The following PLAC8L1 variants were observed in gnomAD, a reference collection of about 807,000 sequenced individuals.
PLAC8L1 encodes PLAC8-like protein 1.
Under a neutral mutation model 16.3 loss-of-function variants are expected in PLAC8L1, and 13 were observed. The ratio of observed to expected loss-of-function variants is 0.80; its 90% CI spans 0.52 to 1.27. The LOEUF is 1.27. Among genes scored for constraint, PLAC8L1 ranks in the 50% most tolerant of loss-of-function variants. The probability of loss-of-function intolerance (pLI) is 0.00; values close to 1 mark genes in which losing one functional copy is unlikely to be tolerated. For synonymous variants in PLAC8L1, 78 were observed against 79.3 expected (o/e 0.98, Z 0.09); for missense variants, 184 against 220.2 (o/e 0.84, Z 1.04).
At chr5:146,097,158 A>T (rs1212495164) in intron 2 of PLAC8L1, among the ~76,000 whole-genome samples, 1 of 152,238 alleles carries the variant, frequency 6.6e-6, no homozygotes, top group Non-Finnish European at 1.5e-5. Flanking sequence ...CAAGACCATC[A>T]GGTCCTGGAA....
intron 1 of PLAC8L1, among the ~76,000 whole-genome samples, chr5:146,103,288 T>C (rs1000219849): frequency 6.6e-6 from 1 of 152,154 alleles, no homozygotes; most frequent in African/African-American, 2.4e-5. Flanking sequence ...GCCCCCCTAA[T>C]AGCTGGGATT....
At chr5:146,089,169 A>T (rs570451801) in intron 2 of PLAC8L1, among the ~76,000 whole-genome samples, 32 of 152,064 alleles carry the variant, frequency 2.1e-4, no homozygotes, top group African/African-American at 4.3e-4. Context: ...TATGCTTTTT[A>T]AAAAAAACAC....
At position 146,098,223 on chromosome 5, in the gene PLAC8L1, T is replaced by C. The variant is rs771118603; in HGVS notation, c.189A>G (p.Thr63=). 10 of 1,614,072 alleles carry C rather than the reference T, an allele frequency of 6.2e-6. No individual in the cohort carries two copies. The highest frequency in any genetic ancestry group is 1.1e-5 in the South Asian group (1 of 91,056). Reference sequence around the variant, plus strand: ...AGCCCCCGCCAGTCTGGACAATTGCTGTGATTGTCGTCCTGCCACTGGCTC... The same window carrying C: ...AGCCCCCGCCAGTCTGGACAATTGCCGTGATTGTCGTCCTGCCACTGGCTC... ...VRGASGRTTI[T]AIVQTGGGWS... is the part of the protein sequence containing the mutation. The change falls in exon 2 of 4, where the codon ACA becomes ACG. Residue 63 remains threonine, a synonymous_variant. Coordinates refer to ENST00000311450, the MANE Select transcript of PLAC8L1 (RefSeq NM_001029869.3).
At chr5:146,103,851 A>C in intron 1 of PLAC8L1, 1 of 985,346 alleles carries the variant, frequency 1.0e-6, no homozygotes, top group Non-Finnish European at 1.2e-6. Flanking sequence ...GGCCTCCTTG[A>C]TTATTTCAAA....
intron 2 of PLAC8L1, among the ~76,000 whole-genome samples, chr5:146,095,150 A>C (rs1763689124): frequency 6.6e-6 from 1 of 152,222 alleles, no homozygotes; most frequent in Non-Finnish European, 1.5e-5. Context: ...CTTCTAAGAC[A>C]ATTAATTTAA....
intron 1 of PLAC8L1, among the ~76,000 whole-genome samples, chr5:146,101,949 G>A (rs937240907): frequency 6.6e-6 from 1 of 151,892 alleles, no homozygotes; most frequent in Non-Finnish European, 1.5e-5. Context: ...TTATAGCAAG[G>A]AATGCTGTAT....
intron 1 of PLAC8L1, among the ~76,000 whole-genome samples, chr5:146,099,011 G>T (rs928894737): frequency 1.3e-5 from 2 of 152,174 alleles, no homozygotes; most frequent in Admixed American, 6.5e-5. Context: ...CAATCATTCT[G>T]AATTAGAAAA....
At chr5:146,096,138 T>C (rs940422947) in intron 2 of PLAC8L1, among the ~76,000 whole-genome samples, 1 of 152,198 alleles carries the variant, frequency 6.6e-6, no homozygotes, top group Non-Finnish European at 1.5e-5. Context: ...GTTCCCTGTC[T>C]CTTTCCTGGC....
chr5:146,099,794 C>T (rs912396254), intron 1 of PLAC8L1, among the ~76,000 whole-genome samples: 2 of 151,874 alleles, frequency 1.3e-5, no homozygotes, highest in Non-Finnish European at 2.9e-5. Flanking sequence ...ATCTTGGAAA[C>T]AGCTGTGGAG....
chr5:146,087,423 T>C (rs1204819776), intron 2 of PLAC8L1, among the ~76,000 whole-genome samples: 1 of 152,260 alleles, frequency 6.6e-6, no homozygotes, highest in Non-Finnish European at 1.5e-5. Context: ...GATATACGTT[T>C]AACTTTGCAA....
At chr5:146,092,722 G>A (rs1233978776) in intron 2 of PLAC8L1, among the ~76,000 whole-genome samples, 1 of 151,908 alleles carries the variant, frequency 6.6e-6, no homozygotes, top group African/African-American at 2.4e-5. Flanking sequence ...ATTTTTAGTA[G>A]AGACGGGGTT....
chr5:146,091,380 C>T (rs1158354116), intron 2 of PLAC8L1, among the ~76,000 whole-genome samples: 1 of 152,038 alleles, frequency 6.6e-6, no homozygotes, highest in African/African-American at 2.4e-5. Context: ...CTGTGGAACA[C>T]AAAAGATCAA....
At chr5:146,088,931 T>C (rs1763565791) in intron 2 of PLAC8L1, among the ~76,000 whole-genome samples, 1 of 152,184 alleles carries the variant, frequency 6.6e-6, no homozygotes, top group African/African-American at 2.4e-5. Flanking sequence ...ACTCTCACTT[T>C]ATGAGTGGAT....
chr5:146,091,081 T>C (rs931852618), intron 2 of PLAC8L1, among the ~76,000 whole-genome samples: 1 of 151,964 alleles, frequency 6.6e-6, no homozygotes, highest in Non-Finnish European at 1.5e-5. Flanking sequence ...TAATATGATA[T>C]ATTGTGGGGA....
chr5:146,086,154 C>T (rs1035601874), intron 2 of PLAC8L1, among the ~76,000 whole-genome samples: 28 of 149,076 alleles, frequency 1.9e-4, no homozygotes, highest in African/African-American at 6.9e-4. Flanking sequence ...GTCAGCCTCC[C>T]AAGTAGCTGG....
At chr5:146,098,097 A>G in intron 2 of PLAC8L1, 59 bp downstream of exon 2, 1 of 1,545,760 alleles carries the variant, frequency 6.5e-7, no homozygotes. Context: ...TTTTCCACTC[A>G]CTGATGTCCT....
In PLAC8L1 at chr5:146,085,708, CCTG is replaced by C. The variant is rs112441359; in HGVS notation, c.257-114_257-112del. 7.9e-4 allele frequency: 920 copies of C among 1,164,234 alleles called. 9 individuals are homozygous for C. In the African/African-American group the frequency reaches 0.013, roughly 16 times the overall value. 72.1% of individuals were successfully genotyped at this position (1,164,234 alleles called of 1,614,324 possible). A position where few individuals can be genotyped will look rare whatever the true frequency, so the allele number is the denominator to read the frequency against. On this transcript the variant is annotated intron_variant, in intron 2 of 3. Transcript: ENST00000311450. ...CACCAGTTTAATGCTGCACTGTCTC[CCTG>C]CTATCAGACTGAGAATAAATAACCA...
chr5:146,096,947 G>A (rs2150036611), intron 2 of PLAC8L1, among the ~76,000 whole-genome samples: 2 of 152,282 alleles, frequency 1.3e-5, no homozygotes, highest in Middle Eastern at 3.4e-3. Context: ...AGCTGAATGA[G>A]GACTTGCTCA....
chr5:146,097,540 T>C (rs1442427876), intron 2 of PLAC8L1, among the ~76,000 whole-genome samples: 1 of 152,264 alleles, frequency 6.6e-6, no homozygotes, highest in African/African-American at 2.4e-5. Context: ...AAACACGGTA[T>C]CTACTGTGCA....
Sources: gnomAD v4.1 joint callset for allele counts (sites outside exome capture counted in the v4.1 genomes callset) on GRCh38, gnomAD v4.1.1 for gene constraint, MANE v1.5 for transcripts, NCBI Gene and HGNC (gene_info 2026-07-23, HGNC 2026-07-21) for gene names.